The following MACROD2 variants were observed in gnomAD, a reference collection of about 807,000 sequenced individuals.
MACROD2 encodes ADP-ribose glycohydrolase MACROD2.
A neutral mutation model predicts 70.4 loss-of-function variants in MACROD2; 36 were observed. The observed-to-expected ratio is 0.51, with a 90% CI of 0.39 to 0.68. MACROD2 has a LOEUF of 0.68. MACROD2 is among the 30% of genes least tolerant of loss of function. The pLI is 0.00. For synonymous variants in MACROD2, 172 were observed against 178.8 expected, an observed-to-expected ratio of 0.96 and a Z score of 0.30; for missense variants, 496 against 538.4, an observed-to-expected ratio of 0.92 and a Z score of 0.78.
intron 8 of MACROD2, among the ~76,000 whole-genome samples, chr20:15,814,674 C>T (rs2063854884): frequency 1.3e-5 from 2 of 152,210 alleles, no homozygotes; most frequent in Admixed American, 1.3e-4. Context: ...CCTTGGACTC[C>T]ATTCATTAGA....
rs562305792 is a variant in MACROD2 at position 15,014,101 on chromosome 20, T to C, written c.419-215839T>C. ...CAATCTGAAAATCATAGTTCTGCTGTTAACATCAAATACCTTTTAATGATG... is the reference window on the plus strand; with the variant it reads ...CAATCTGAAAATCATAGTTCTGCTGCTAACATCAAATACCTTTTAATGATG... On this transcript the variant is annotated intron_variant, in intron 5 of 17. Coordinates refer to ENST00000684519, the MANE Select transcript of MACROD2 (RefSeq NM_001351661.2). 3.6e-4 allele frequency among the ~76,000 whole-genome samples: 55 copies of C among 152,362 alleles called. No individual in the cohort carries two copies. The South Asian group carries it at 0.011, about 29-fold the overall frequency.
At chr20:15,132,330 T>C (rs555508502) in intron 5 of MACROD2, among the ~76,000 whole-genome samples, 1 of 151,986 alleles carries the variant, frequency 6.6e-6, no homozygotes, top group Non-Finnish European at 1.5e-5. Context: ...AGAAAAAAAA[T>C]TAGTTGCAAT....
At chr20:15,919,748 GA>G (rs1000078597) in intron 10 of MACROD2, among the ~76,000 whole-genome samples, 1 of 150,696 alleles carries the variant, frequency 6.6e-6, no homozygotes, top group Non-Finnish European at 1.5e-5. Context: ...AAGAAGAAGG[GA>G]AAAAAAAGGA....
chr20:15,729,831 C>CTTTGTTTTTTTTT (rs2050918720), intron 8 of MACROD2, among the ~76,000 whole-genome samples: 1 of 64,772 alleles, frequency 1.5e-5, no homozygotes, highest in Non-Finnish European at 2.8e-5. Context: ...TTGGGTCATG[C>CTTTGTTTTTTTTT]TTTTTTTTTT....
At chr20:14,045,066 T>G (rs2263691) in intron 2 of MACROD2, among the ~76,000 whole-genome samples, 140,895 of 152,292 alleles carry the variant, frequency 0.93, 65,241 homozygotes, top group East Asian at 1. Context: ...CGGGCCGGCT[T>G]GCCGCTCCGA....
intron 9 of MACROD2, among the ~76,000 whole-genome samples, chr20:15,879,334 T>A (rs188984246): frequency 6.6e-5 from 10 of 152,204 alleles, no homozygotes; most frequent in Non-Finnish European, 1.0e-4. Flanking sequence ...CACCTTTTTT[T>A]AATATTTTTT....
At chr20:15,479,670 CTG>C (rs1462772144) in intron 7 of MACROD2, among the ~76,000 whole-genome samples, 3 of 152,192 alleles carry the variant, frequency 2.0e-5, no homozygotes, top group Non-Finnish European at 4.4e-5. Context: ...TGTATTCTGA[CTG>C]TACTTGCAAG....
rs375304249 is a variant in MACROD2 at position 15,741,053 on chromosome 20, ACTC to A, written c.646-121689_646-121687del. On this transcript the variant is annotated intron_variant, in intron 8 of 17. Coordinates refer to ENST00000684519, the MANE Select transcript of MACROD2 (RefSeq NM_001351661.2). The stretch of plus-strand genomic sequence containing the variant: ...CCTCACTCAAAATAAATGTGGAAGA[ACTC>A]CTTGCAATGGTCTACAAAACTCTCA... Among the ~76,000 whole-genome samples the A allele has an allele frequency of 2.9e-3, 436 of 149,446 alleles. 2 individuals carry two copies. The highest frequency in any genetic ancestry group is 0.01 in the African/African-American group (406 of 40,496).
chr20:14,257,561 A>T (rs1167332809), intron 3 of MACROD2, among the ~76,000 whole-genome samples: 2 of 152,026 alleles, frequency 1.3e-5, no homozygotes, highest in East Asian at 3.9e-4. Context: ...CATAATACTT[A>T]TTTTCTGTTA....
intron 8 of MACROD2, among the ~76,000 whole-genome samples, chr20:15,540,100 G>A (rs1270787058): frequency 3.3e-5 from 5 of 152,206 alleles, no homozygotes; most frequent in Non-Finnish European, 7.3e-5. Context: ...ATAGAGAAGA[G>A]TAGGTAAAGG....
intron 4 of MACROD2, among the ~76,000 whole-genome samples, chr20:14,504,770 A>C (rs1438712016): frequency 6.6e-6 from 1 of 152,180 alleles, no homozygotes; most frequent in Non-Finnish European, 1.5e-5. Context: ...TATTTTCAAT[A>C]ATCAGAAATT....
At chr20:15,770,321 T>G (rs1027312554) in intron 8 of MACROD2, among the ~76,000 whole-genome samples, 1 of 152,048 alleles carries the variant, frequency 6.6e-6, no homozygotes, top group Admixed American at 6.6e-5. Flanking sequence ...TTTATAGCCT[T>G]TCTAAGTCTA....
chr20:14,476,138 A>G (rs2084591857), intron 3 of MACROD2, among the ~76,000 whole-genome samples: 1 of 152,156 alleles, frequency 6.6e-6, no homozygotes, highest in African/African-American at 2.4e-5. Context: ...AAAAATTACC[A>G]ATTAGAAATA....
intron 2 of MACROD2, among the ~76,000 whole-genome samples, chr20:14,011,764 C>T (rs371697242): frequency 6.6e-6 from 1 of 152,094 alleles, no homozygotes; most frequent in Non-Finnish European, 1.5e-5. Flanking sequence ...CTCCTGACCT[C>T]GTGATCTGCC....
intron 8 of MACROD2, among the ~76,000 whole-genome samples, chr20:15,580,291 G>A (rs1286954126): frequency 6.6e-6 from 1 of 152,120 alleles, no homozygotes; most frequent in Non-Finnish European, 1.5e-5. Flanking sequence ...TTCTGGCTCT[G>A]TTAAGAGTCA....
intron 2 of MACROD2, among the ~76,000 whole-genome samples, chr20:14,080,429 T>G: frequency 1.9e-5 from 1 of 51,682 alleles, no homozygotes. Context: ...GGCAACAGAG[T>G]GAAACCCCGT....
At chr20:14,425,316 C>G (rs2083921067) in intron 3 of MACROD2, among the ~76,000 whole-genome samples, 1 of 152,136 alleles carries the variant, frequency 6.6e-6, no homozygotes, top group Non-Finnish European at 1.5e-5. Flanking sequence ...CTCCGCATTA[C>G]CCCATAATAT....
intron 4 of MACROD2, among the ~76,000 whole-genome samples, chr20:14,516,357 T>C (rs1341047944): frequency 1.3e-5 from 2 of 152,206 alleles, no homozygotes; most frequent in African/African-American, 4.8e-5. Context: ...TTTTGGTGTT[T>C]AGTCATGAAG....
intron 8 of MACROD2, among the ~76,000 whole-genome samples, chr20:15,672,292 G>A (rs1376387583): frequency 6.6e-6 from 1 of 150,906 alleles, no homozygotes; most frequent in Admixed American, 6.6e-5. Context: ...AACCCTGAAT[G>A]GTGATTAGTA....
Sources: allele counts gnomAD v4.1 joint callset (sites outside exome capture counted in the v4.1 genomes callset), GRCh38; gene constraint gnomAD v4.1.1; transcripts MANE v1.5; gene names NCBI Gene and HGNC (gene_info 2026-07-23, HGNC 2026-07-21).